CNOT10: variants seen among roughly 807,000 people sequenced by gnomAD.
CNOT10 encodes the protein CCR4-NOT transcription complex, subunit 10.
CNOT10 carries 30 observed loss-of-function variants against 94.6 expected under a neutral mutation model. That is an observed-to-expected ratio of 0.32 (90% CI 0.24 to 0.43). CNOT10 has a LOEUF of 0.43. Ranked by LOEUF, CNOT10 falls within the 20% of genes least tolerant of loss-of-function variation. The probability of loss-of-function intolerance (pLI) is 1.00; values close to 1 mark genes in which losing one functional copy is unlikely to be tolerated. For synonymous variants in CNOT10, 289 were observed against 301.6 expected (o/e 0.96, Z 0.43); for missense variants, 759 against 877.2 (o/e 0.87, Z 1.70).
intron 13 of CNOT10, among the ~76,000 whole-genome samples, chr3:32,754,251 G>A (rs1700098053): frequency 6.6e-6 from 1 of 151,458 alleles, no homozygotes; most frequent in Admixed American, 6.6e-5. Context: ...GCTGAGGTGG[G>A]AGGATCATGA....
At chr3:32,755,777 T>C (rs1700203105) in intron 13 of CNOT10, among the ~76,000 whole-genome samples, 1 of 151,894 alleles carries the variant, frequency 6.6e-6, no homozygotes, top group Admixed American at 6.6e-5. Flanking sequence ...TTTTTCTTCT[T>C]TTTTTATCTT....
chr3:32,687,690 T>G (rs1016600185), intron 1 of CNOT10: 1 of 152,078 alleles, frequency 6.6e-6, no homozygotes, highest in Non-Finnish European at 1.5e-5. Flanking sequence ...CCTGACCTTG[T>G]GATCCGCCTG....
At chr3:32,742,081 G>A (rs996058663) in intron 13 of CNOT10, among the ~76,000 whole-genome samples, 5 of 150,838 alleles carry the variant, frequency 3.3e-5, no homozygotes, top group African/African-American at 9.7e-5. Flanking sequence ...TCAGCCTCCC[G>A]AGTAGCTAGG....
chr3:32,754,485 A>AT lies in CNOT10; in HGVS notation c.1596-4973_1596-4972insT, dbSNP rs1415191433. ...GAGCAAGACTCCGTCTCAAAAAAAA[A>AT]AAAAATACATATATATATATATATT... On this transcript the variant is annotated intron_variant, in intron 13 of 18. Coordinates refer to ENST00000328834, the MANE Select transcript of CNOT10 (RefSeq NM_015442.3). Among the ~76,000 whole-genome samples, 206 of 48,326 alleles carry AT rather than the reference A, an allele frequency of 4.3e-3. 6 individuals are homozygous for AT. Among genetic ancestry groups the AT allele is most frequent in the Non-Finnish European group, 5.4e-3 (160 of 29,794 alleles). 31.7% of individuals were successfully genotyped at this position (48,326 alleles called of 152,430 possible).
intron 17 of CNOT10, among the ~76,000 whole-genome samples, chr3:32,766,632 CA>C (rs369161243): frequency 1.3e-3 from 96 of 71,906 alleles, no homozygotes; most frequent in East Asian, 1.8e-3. Context: ...GACTCTGTCT[CA>C]AAAAAAAAAA....
intron 8 of CNOT10, 26 bp downstream of exon 8, chr3:32,720,257 CTT>C (rs60731094): frequency 8.0e-7 from 1 of 1,253,716 alleles, no homozygotes. Context: ...GAAATTTTAA[CTT>C]TTTTTTGCCT....
intron 13 of CNOT10, among the ~76,000 whole-genome samples, chr3:32,754,969 G>A (rs554646083): frequency 3.3e-5 from 5 of 151,440 alleles, no homozygotes; most frequent in African/African-American, 1.2e-4. Context: ...TACATTAACC[G>A]GGCATGGTGG....
At chr3:32,699,534 A>G (rs149331654) in intron 1 of CNOT10, among the ~76,000 whole-genome samples, 1 of 152,330 alleles carries the variant, frequency 6.6e-6, no homozygotes, top group Admixed American at 6.5e-5. Context: ...TTTGAGGAAC[A>G]CTGTGAAGGA....
At chr3:32,752,987 C>T (rs1431364174) in intron 13 of CNOT10, 4 of 469,854 alleles carry the variant, frequency 8.5e-6, no homozygotes, top group Admixed American at 5.3e-5. Flanking sequence ...TCGACGAGGA[C>T]CCCCAGGCGG....
At chr3:32,741,717 C>G (rs1333153159) in intron 13 of CNOT10, among the ~76,000 whole-genome samples, 3 of 149,038 alleles carry the variant, frequency 2.0e-5, no homozygotes, top group Non-Finnish European at 3.0e-5. Flanking sequence ...TGTGGTGAGC[C>G]GAAATCGTGC....
intron 4 of CNOT10, among the ~76,000 whole-genome samples, chr3:32,710,431 A>G (rs190717678): frequency 2.6e-5 from 4 of 152,062 alleles, no homozygotes; most frequent in African/African-American, 7.2e-5. Context: ...CATTACCACA[A>G]TCCCTCAACA....
chr3:32,702,359 AT>A (rs60960154), intron 1 of CNOT10, among the ~76,000 whole-genome samples: 23,282 of 152,216 alleles, frequency 0.15, 1,875 homozygotes, highest in South Asian at 0.24. Context: ...TTCAGCTGAG[AT>A]TTTTACCTTT....
chr3:32,741,732 G>GC (rs367776065), intron 13 of CNOT10, among the ~76,000 whole-genome samples: 13 of 146,032 alleles, frequency 8.9e-5, no homozygotes, highest in African/African-American at 3.3e-4. Flanking sequence ...TCGTGCCACT[G>GC]CCCCCCAGCC....
intron 18 of CNOT10, 86 bp downstream of exon 18, chr3:32,770,048 C>T (rs1700830130): frequency 3.0e-6 from 3 of 1,016,646 alleles, no homozygotes; most frequent in Non-Finnish European, 4.6e-6. Flanking sequence ...CTGTGTTGCC[C>T]AGGCTGGAGT....
At chr3:32,708,602 T>C (rs1394589782) in intron 3 of CNOT10, 68 bp from the exon 4 acceptor site, 34 of 1,357,788 alleles carry the variant, frequency 2.5e-5, no homozygotes, top group Non-Finnish European at 3.3e-5. Flanking sequence ...TTTATTCATA[T>C]GAATTCTTTC....
chr3:32,685,371 T>A lies in CNOT10; in HGVS notation c.-90T>A. On this transcript the variant is annotated 5_prime_UTR_variant, in exon 1 of 19. Transcript: ENST00000328834. ...CCCGGAGCCGGGGTAGGCACAGAGTTGTCCTCGGAGGTCCAGGACAGCGGC... is the reference window on the plus strand; with the variant it reads ...CCCGGAGCCGGGGTAGGCACAGAGTAGTCCTCGGAGGTCCAGGACAGCGGC... The A allele has an allele frequency of 1.4e-6, 2 of 1,475,152 alleles. No homozygotes were observed. The highest frequency in any genetic ancestry group is 4.9e-5 in the East Asian group (2 of 40,460). 91.4% of individuals were successfully genotyped at this position (1,475,152 alleles called of 1,614,324 possible).
rs115153083 is a variant in CNOT10 at position 32,690,952 on chromosome 3, A to G, written c.22+5470A>G. On this transcript the variant is annotated intron_variant, in intron 1 of 18. Coordinates refer to ENST00000328834, the MANE Select transcript of CNOT10 (RefSeq NM_015442.3). ...TATCTACCCCCTAGTTCATTCAGCA[A>G]TTGTTATATTTTACCATATTTGCTT... Among the ~76,000 whole-genome samples, 448 of 149,870 alleles carry G rather than the reference A, an allele frequency of 3.0e-3. 5 individuals carry two copies. Among genetic ancestry groups the G allele is most frequent in the African/African-American group, 0.011 (430 of 40,848 alleles).
intron 18 of CNOT10, among the ~76,000 whole-genome samples, chr3:32,772,092 T>C (rs1700931428): frequency 6.6e-6 from 1 of 152,176 alleles, no homozygotes; most frequent in African/African-American, 2.4e-5. Flanking sequence ...GGCTCATGCA[T>C]GTAATCCCAA....
chr3:32,764,452 T>C lies in CNOT10; in HGVS notation c.1841-3T>C. 1 of 1,613,730 alleles carries C rather than the reference T, an allele frequency of 6.2e-7. No individual in the cohort carries two copies. The highest frequency in any genetic ancestry group is 1.1e-5 in the South Asian group (1 of 90,984). Reference sequence around the variant, plus strand: ...CCTCAGATTTATTTTCGTGTTTTTGTAGGATCAGACAAAGGTGAAAATGAA... The same window carrying C: ...CCTCAGATTTATTTTCGTGTTTTTGCAGGATCAGACAAAGGTGAAAATGAA... On this transcript the variant is annotated splice_region_variant and splice_polypyrimidine_tract_variant and intron_variant, in intron 15 of 18. Coordinates refer to ENST00000328834, the MANE Select transcript of CNOT10 (RefSeq NM_015442.3).
Sources: gnomAD v4.1 joint callset for allele counts (sites outside exome capture counted in the v4.1 genomes callset) on GRCh38, gnomAD v4.1.1 for gene constraint, MANE v1.5 for transcripts, NCBI Gene and HGNC (gene_info 2026-07-23, HGNC 2026-07-21) for gene names.